SKA2: variants seen among roughly 807,000 people sequenced by gnomAD.
SKA2 encodes the protein spindle and kinetochore-associated protein 2.
In SKA2, 13 loss-of-function variants were observed where a neutral mutation model predicts 16.9. The ratio of observed to expected loss-of-function variants is 0.77; its 90% CI spans 0.50 to 1.22. The LOEUF (loss-of-function observed/expected upper bound fraction) is 1.22. SKA2 is among the 50% of genes most tolerant of loss of function. The pLI is 0.00. For synonymous variants in SKA2, 47 were observed against 48.5 expected (o/e 0.97, Z 0.13); for missense variants, 107 against 139.7 (o/e 0.77, Z 1.18).
chr17:59,143,362 C>A (rs1343632361), intron 1 of SKA2, among the ~76,000 whole-genome samples: 5 of 151,932 alleles, frequency 3.3e-5, no homozygotes, highest in Non-Finnish European at 5.9e-5. Context: ...TACCACCATA[C>A]CTGGCTAATT....
chr17:59,142,147 G>A (rs927678080), intron 1 of SKA2, among the ~76,000 whole-genome samples: 17 of 152,190 alleles, frequency 1.1e-4, no homozygotes, highest in Admixed American at 3.9e-4. Flanking sequence ...CAGAAGTGAA[G>A]AAATGGGGTG....
rs568362586 is a variant in SKA2 at position 59,127,702 on chromosome 17, T to A, written c.120+3579A>T. Reference sequence around the variant, plus strand: ...ACACCCAGCCCACAATTTTTTTTTTTAAACTGAGAATGTAAAATGCTTTAG... The same window carrying A: ...ACACCCAGCCCACAATTTTTTTTTTAAAACTGAGAATGTAAAATGCTTTAG... On this transcript the variant is annotated intron_variant, in intron 2 of 3. Coordinates refer to ENST00000330137, the MANE Select transcript of SKA2 (RefSeq NM_182620.4). Among the ~76,000 whole-genome samples, 12 of 152,192 alleles carry A rather than the reference T, an allele frequency of 7.9e-5. No individual in the cohort carries two copies. The East Asian group carries it at 2.3e-3, about 29-fold the overall frequency.
At chr17:59,137,627 A>T (rs569199571) in intron 1 of SKA2, 283 of 374,458 alleles carry the variant, frequency 7.6e-4, no homozygotes, top group African/African-American at 6.0e-3. Context: ...GTCAAAAAGA[A>T]AAGTTACCTT....
chr17:59,134,593 C>T (rs556095024), intron 1 of SKA2, among the ~76,000 whole-genome samples: 7 of 151,634 alleles, frequency 4.6e-5, no homozygotes, highest in Admixed American at 4.6e-4. Flanking sequence ...GTTCTGTTGC[C>T]CAGGCTAGAG....
At chr17:59,155,006 AG>A in intron 1 of SKA2, 124 bp downstream of exon 1, 2 of 1,613,916 alleles carry the variant, frequency 1.2e-6, no homozygotes, top group Non-Finnish European at 1.7e-6. Flanking sequence ...GTGCAGGAGG[AG>A]GGAACTCGAC....
intron 1 of SKA2, among the ~76,000 whole-genome samples, chr17:59,136,278 T>A (rs1484856082): frequency 6.6e-6 from 1 of 151,930 alleles, no homozygotes; most frequent in Non-Finnish European, 1.5e-5. Context: ...TTCTCCTGCC[T>A]CAGCCTCCCA....
At chr17:59,145,272 G>A (rs1001005189) in intron 1 of SKA2, among the ~76,000 whole-genome samples, 3 of 152,166 alleles carry the variant, frequency 2.0e-5, no homozygotes, top group African/African-American at 7.2e-5. Flanking sequence ...GTAATAAACA[G>A]TATGGTAAGA....
intron 1 of SKA2, chr17:59,137,669 C>T: frequency 2.3e-6 from 1 of 431,480 alleles, no homozygotes; most frequent in Non-Finnish European, 4.5e-6. Flanking sequence ...ACATTTAAGC[C>T]TCAGATTTTA....
intron 2 of SKA2, among the ~76,000 whole-genome samples, chr17:59,127,152 G>T (rs1346802446): frequency 1.3e-5 from 2 of 152,108 alleles, no homozygotes; most frequent in Admixed American, 1.3e-4. Flanking sequence ...TTACAATGTG[G>T]GGAGATGAAA....
At chr17:59,154,476 G>C (rs986867031) in intron 1 of SKA2, among the ~76,000 whole-genome samples, 17 of 152,178 alleles carry the variant, frequency 1.1e-4, no homozygotes, top group African/African-American at 4.1e-4. Flanking sequence ...AGAGCAGGAT[G>C]CCTTTCCTGT....
intron 1 of SKA2, among the ~76,000 whole-genome samples, chr17:59,146,017 A>G (rs1190531421): frequency 6.6e-6 from 1 of 151,812 alleles, no homozygotes; most frequent in Non-Finnish European, 1.5e-5. Context: ...GAAACACATA[A>G]TGAAACAAAG....
chr17:59,124,840 C>G (rs2147800842), intron 2 of SKA2, among the ~76,000 whole-genome samples: 1 of 152,234 alleles, frequency 6.6e-6, no homozygotes, highest in Admixed American at 6.6e-5. Context: ...TTTAGGACAA[C>G]ATGATTTGCA....
At position 59,119,399 on chromosome 17, in the gene SKA2, C is replaced by T; in HGVS notation, c.217G>A (p.Glu73Lys). The change falls in exon 3 of 4, where the codon GAG becomes AAG. Residue 73 changes from glutamate to lysine, a missense_variant. Coordinates refer to ENST00000330137, the MANE Select transcript of SKA2 (RefSeq NM_182620.4). ...GTAGCACAAATGCGGCTCTTACTCT[C>T]TTTCTGCTCAACAGCAACTGGTTTA... is the stretch of plus-strand genomic sequence containing the variant. ...RFKPVAVEQK[E>K]SKSRICATVK... The T allele has an allele frequency of 6.2e-7, 1 of 1,613,972 alleles. No individual in the cohort carries two copies. The highest frequency in any genetic ancestry group is 8.5e-7 in the Non-Finnish European group (1 of 1,179,888).
At position 59,119,503 on chromosome 17, in the gene SKA2, A is replaced by G; in HGVS notation, c.121-8T>C. The G allele has an allele frequency of 1.2e-6, 2 of 1,611,820 alleles. No individual in the cohort carries two copies. Among genetic ancestry groups the G allele is most frequent in the Middle Eastern group, 1.7e-4 (1 of 6,058 alleles). ...GAGTGTAACTGGATTTTTCTATGTC[A>G]GGAAAAAAGTGAACATGTATTAAAT... On this transcript the variant is annotated splice_polypyrimidine_tract_variant and splice_region_variant and intron_variant, in intron 2 of 3. Transcript: ENST00000330137.
intron 1 of SKA2, among the ~76,000 whole-genome samples, chr17:59,154,402 G>A (rs1199307390): frequency 6.6e-6 from 1 of 152,064 alleles, no homozygotes; most frequent in Non-Finnish European, 1.5e-5. Flanking sequence ...GCAACAACGG[G>A]AGTGCTTTCC....
At chr17:59,150,869 T>G (rs2046572004) in intron 1 of SKA2, among the ~76,000 whole-genome samples, 1 of 152,142 alleles carries the variant, frequency 6.6e-6, no homozygotes, top group East Asian at 1.9e-4. Context: ...TATCCAAATA[T>G]GTAACAGAAA....
Position 59,119,234 on chromosome 17 carries a change from A to C in SKA2, c.297+85T>G, listed in dbSNP as rs2046316214. The C allele has an allele frequency of 2.0e-6, 3 of 1,464,488 alleles. No homozygotes were observed. In the Admixed American group the frequency reaches 7.3e-5, roughly 35 times the overall value. 90.7% of individuals were successfully genotyped at this position (1,464,488 alleles called of 1,614,324 possible). A position where few individuals can be genotyped will look rare whatever the true frequency, so the allele number is the denominator to read the frequency against. On this transcript the variant is annotated intron_variant, in intron 3 of 3. Coordinates refer to ENST00000330137, the MANE Select transcript of SKA2 (RefSeq NM_182620.4). ...GTTCAAACTGACTGCTGAGTTTCAAAATTTAAGTTACATCAGGTTTATTTT... is the reference window on the plus strand; with the variant it reads ...GTTCAAACTGACTGCTGAGTTTCAACATTTAAGTTACATCAGGTTTATTTT...
intron 1 of SKA2, among the ~76,000 whole-genome samples, chr17:59,148,824 A>G (rs2046554604): frequency 6.6e-6 from 1 of 150,692 alleles, no homozygotes; most frequent in Non-Finnish European, 1.5e-5. Context: ...AAAAAAAAAA[A>G]AAAAAAGAAA....
intron 1 of SKA2, among the ~76,000 whole-genome samples, chr17:59,147,880 T>C (rs2046545906): frequency 6.6e-6 from 1 of 152,044 alleles, no homozygotes; most frequent in Non-Finnish European, 1.5e-5. Flanking sequence ...TCTCACTCTG[T>C]TGCCCAGGCA....
Sources: allele counts gnomAD v4.1 joint callset (sites outside exome capture counted in the v4.1 genomes callset), GRCh38; gene constraint gnomAD v4.1.1; transcripts MANE v1.5; gene names NCBI Gene and HGNC (gene_info 2026-07-23, HGNC 2026-07-21).